PTPRD: variants seen among roughly 807,000 people sequenced by gnomAD.
PTPRD encodes the protein protein tyrosine phosphatase receptor type D.
In PTPRD, 34 loss-of-function variants were observed where a neutral mutation model predicts 214.5. The observed-to-expected ratio is 0.16, with a 90% confidence interval of 0.12 to 0.21. PTPRD has a LOEUF of 0.21. PTPRD is among the 10% of genes least tolerant of loss of function. PTPRD has a pLI of 1.00. For synonymous variants in PTPRD, 1,128 were observed against 845.7 expected, an observed-to-expected ratio of 1.33 and a Z score of -5.79; for missense variants, 2,545 against 2,398.7, an observed-to-expected ratio of 1.06 and a Z score of -1.27.
intron 14 of PTPRD, among the ~76,000 whole-genome samples, chr9:8,564,373 C>A (rs1255189131): frequency 6.6e-6 from 1 of 152,148 alleles, no homozygotes; most frequent in Admixed American, 6.5e-5. Flanking sequence ...CACATACTAT[C>A]AGGCGTGTTT....
At chr9:9,884,347 C>A (rs2069964231) in intron 5 of PTPRD, among the ~76,000 whole-genome samples, 2 of 152,196 alleles carry the variant, frequency 1.3e-5, no homozygotes, top group Non-Finnish European at 2.9e-5. Flanking sequence ...AGCAAGAAAG[C>A]AACAACATCT....
At chr9:10,079,814 A>C (rs2098203155) in intron 3 of PTPRD, among the ~76,000 whole-genome samples, 2 of 152,136 alleles carry the variant, frequency 1.3e-5, no homozygotes, top group Non-Finnish European at 2.9e-5. Flanking sequence ...ACTGCAAAAT[A>C]GGTCTATTGT....
chr9:9,837,706 C>A (rs1486099687), intron 5 of PTPRD, among the ~76,000 whole-genome samples: 3 of 152,092 alleles, frequency 2.0e-5, no homozygotes, highest in African/African-American at 7.2e-5. Context: ...GCATCCTAAC[C>A]AGACTGGTAT....
intron 8 of PTPRD, among the ~76,000 whole-genome samples, chr9:9,534,929 G>C (rs192803051): frequency 2.6e-5 from 4 of 151,962 alleles, no homozygotes; most frequent in African/African-American, 9.7e-5. Flanking sequence ...TGCTTACTGT[G>C]CAGTCCCGGG....
At chr9:9,408,900 T>C (rs915452190) in intron 8 of PTPRD, among the ~76,000 whole-genome samples, 1 of 151,910 alleles carries the variant, frequency 6.6e-6, no homozygotes, top group Non-Finnish European at 1.5e-5. Context: ...AATTTCCCAA[T>C]ATTGGTATTA....
chr9:10,247,572 G>A (rs1432269779), intron 3 of PTPRD, among the ~76,000 whole-genome samples: 1 of 152,078 alleles, frequency 6.6e-6, no homozygotes, highest in African/African-American at 2.4e-5. Flanking sequence ...TATAGTTGCT[G>A]TCACATTTGT....
At chr9:10,086,898 A>G (rs2098348139) in intron 3 of PTPRD, among the ~76,000 whole-genome samples, 1 of 151,836 alleles carries the variant, frequency 6.6e-6, no homozygotes, top group African/African-American at 2.4e-5. Flanking sequence ...TATACAATTT[A>G]ATGAATTAAT....
chr9:10,593,739 T>C (rs2076030486), intron 2 of PTPRD, among the ~76,000 whole-genome samples: 1 of 152,010 alleles, frequency 6.6e-6, no homozygotes, highest in South Asian at 2.1e-4. Flanking sequence ...TGTTAATGAA[T>C]GATTTTAAAA....
chr9:9,541,099 C>G (rs978190894), intron 8 of PTPRD, among the ~76,000 whole-genome samples: 3 of 151,736 alleles, frequency 2.0e-5, no homozygotes, highest in Non-Finnish European at 2.9e-5. Flanking sequence ...GAGAAATACA[C>G]GGTAGACCTC....
chr9:9,559,746 T>C (rs1178969191), intron 8 of PTPRD, among the ~76,000 whole-genome samples: 1 of 152,212 alleles, frequency 6.6e-6, no homozygotes, highest in African/African-American at 2.4e-5. Flanking sequence ...GTTCCAGTTC[T>C]GTTGTCAAGT....
chr9:9,105,811 T>C (rs1259509714), intron 10 of PTPRD, among the ~76,000 whole-genome samples: 1 of 152,188 alleles, frequency 6.6e-6, no homozygotes, highest in Non-Finnish European at 1.5e-5. Flanking sequence ...CAGTACCATT[T>C]TGGGGTCTGA....
At chr9:8,335,560 G>T (rs575556547) in intron 43 of PTPRD, among the ~76,000 whole-genome samples, 1 of 152,282 alleles carries the variant, frequency 6.6e-6, no homozygotes, top group East Asian at 1.9e-4. Context: ...AAAACTGGAA[G>T]CATTCCCTTT....
At chr9:8,823,225 T>C (rs971213836) in intron 11 of PTPRD, among the ~76,000 whole-genome samples, 2 of 152,156 alleles carry the variant, frequency 1.3e-5, no homozygotes, top group African/African-American at 2.4e-5. Flanking sequence ...TTGCCTGACC[T>C]CTAAATGTTC....
At chr9:10,415,891 G>A (rs1233110028) in intron 2 of PTPRD, among the ~76,000 whole-genome samples, 1 of 151,820 alleles carries the variant, frequency 6.6e-6, no homozygotes, top group Non-Finnish European at 1.5e-5. Flanking sequence ...AGAAGAAACA[G>A]CGGAGAGAAA....
intron 6 of PTPRD, among the ~76,000 whole-genome samples, chr9:9,747,532 CTTTTTTG>C (rs1181057767): frequency 9.6e-5 from 10 of 104,580 alleles, no homozygotes; most frequent in Non-Finnish European, 1.6e-4. Context: ...GTGACTGAAT[CTTTTTTG>C]TTTTTTTTTT....
At chr9:9,968,523 G>A (rs368738357) in intron 4 of PTPRD, among the ~76,000 whole-genome samples, 1 of 152,110 alleles carries the variant, frequency 6.6e-6, no homozygotes, top group Non-Finnish European at 1.5e-5. Flanking sequence ...CAATAATCTT[G>A]ACATAGTGGT....
In PTPRD at chr9:10,484,345, A is replaced by G. The variant is rs563543740; in HGVS notation, c.-600+128053T>C. The stretch of plus-strand genomic sequence containing the variant: ...ACCCCTACCTATTGTGTTACAACAT[A>G]TACTATGTGGGTTATGAATACATTG... On this transcript the variant is annotated intron_variant, in intron 2 of 45. Transcript: ENST00000381196. Among the ~76,000 whole-genome samples, 27 of 152,236 alleles carry G rather than the reference A, an allele frequency of 1.8e-4. No individual in the cohort carries two copies. The East Asian group carries it at 5.2e-3, about 29-fold the overall frequency.
chr9:9,153,345 C>T (rs190977664), intron 10 of PTPRD, among the ~76,000 whole-genome samples: 66 of 152,128 alleles, frequency 4.3e-4, no homozygotes, highest in African/African-American at 7.7e-4. Context: ...ACATTCTTGG[C>T]GCTGTATACG....
rs775429100 is a variant in PTPRD at position 10,553,484 on chromosome 9, G to A, written c.-600+58914C>T. Among the ~76,000 whole-genome samples the A allele has an allele frequency of 1.6e-4, 24 of 151,940 alleles. 1 individual carries two copies. The highest frequency in any genetic ancestry group is 6.8e-3 in the Middle Eastern group (2 of 292). On this transcript the variant is annotated intron_variant, in intron 2 of 45. Transcript: ENST00000381196. ...GAAACAGCTATAACTTGTTTGTTAT[G>A]TATACCTCCAGAGATTTTTCCAAAA... is the stretch of plus-strand genomic sequence containing the variant.
Sources: allele counts gnomAD v4.1 joint callset (sites outside exome capture counted in the v4.1 genomes callset), GRCh38; gene constraint gnomAD v4.1.1; transcripts MANE v1.5; gene names NCBI Gene and HGNC (gene_info 2026-07-23, HGNC 2026-07-21).